TEX13D: variants seen among roughly 807,000 people sequenced by gnomAD.
TEX13D encodes TEX13 family member D.
For missense variants in TEX13D, 261 were observed against 265.8 expected (o/e 0.98, Z 0.12); for synonymous variants, 115 against 104.5 (o/e 1.10, Z -0.61).
Position 124,334,093 on chromosome X carries a change from C to T in TEX13D, c.1176C>T (p.His392=). Residue 392 remains histidine, a synonymous_variant, in exon 1 of 1, where the codon CAC becomes CAT. Transcript: ENST00000632372. ...ACACCCTGGTGTTTCGCAGGAGCCA[C>T]AAATCAGAAGGTCCAGAGGGGCCCC... ...RMHTLVFRRS[H]KSEGPEGPQG... is the part of the protein sequence containing the mutation. 1 of 937,335 alleles carries T rather than the reference C, an allele frequency of 1.1e-6. No homozygotes were observed. The highest frequency in any genetic ancestry group is 1.3e-6 in the Non-Finnish European group (1 of 755,855). The allele number at this position is 937,335 out of a possible 1,213,427, so 77.2% of individuals were successfully genotyped here. A position where few individuals can be genotyped will look rare whatever the true frequency, so the allele number is the denominator to read the frequency against.
chrX:124,334,948 T>G lies in TEX13D; in HGVS notation c.2031T>G (p.Val677=). 1.1e-6 allele frequency: 1 copy of G among 938,688 alleles called. No individual in the cohort carries two copies. Among genetic ancestry groups the G allele is most frequent in the Non-Finnish European group, 1.3e-6 (1 of 756,382 alleles). The allele number at this position is 938,688 out of a possible 1,213,427, so 77.4% of individuals were successfully genotyped here. ...AGGAGAAGCCTGCCTCATTTCCAGTTCCAGTGAATTGGAAATGCCCATGGT... is the reference window on the plus strand; with the variant it reads ...AGGAGAAGCCTGCCTCATTTCCAGTGCCAGTGAATTGGAAATGCCCATGGT... The part of the protein sequence containing the change: ...QQQEKPASFP[V]PVNWKCPWCK... The change falls in exon 1 of 1, where the codon GTT becomes GTG. Residue 677 remains valine (V), a synonymous_variant. Transcript: ENST00000632372.
Position 124,333,644 on chromosome X carries a change from C to G in TEX13D, c.727C>G (p.Leu243Val), listed in dbSNP as rs752694483. The change falls in exon 1 of 1, where the codon CTA becomes GTA. Residue 243 changes from leucine (L) to valine (V), a missense_variant. Leu to Val is a conservative substitution (Grantham distance 32, BLOSUM62 1). Coordinates refer to ENST00000632372, the MANE Select transcript of TEX13D (RefSeq NM_001355534.2). ...AATGAAATTCCCATCCTTGCCACCT[C>G]TACCACCTGCTGTAGTCACGGGGGC... ...FPMKFPSLPPLPPAVVTGAEA... is the reference protein window; with the variant it reads ...FPMKFPSLPPVPPAVVTGAEA... 5.4e-5 allele frequency: 16 copies of G among 296,187 alleles called. No individual in the cohort carries two copies. The East Asian group carries it at 6.7e-4, about 12-fold the overall frequency. The allele number at this position is 296,187 out of a possible 1,213,427, so 24.4% of individuals were successfully genotyped here.
Position 124,333,248 on chromosome X carries a change from C to A in TEX13D, c.331C>A (p.Leu111Met). Residue 111 changes from leucine to methionine, a missense_variant, in exon 1 of 1, where the codon CTG (leucine) becomes ATG (methionine). Coordinates refer to ENST00000632372, the MANE Select transcript of TEX13D (RefSeq NM_001355534.2). ...QATSWALTSQLQQLRLEHEVA... is the reference protein window; with the variant it reads ...QATSWALTSQMQQLRLEHEVA... ...GACCTCCTGGGCTCTAACGTCCCAG[C>A]TGCAGCAGCTGCGCCTGGAGCATGA... 2.2e-6 allele frequency: 1 copy of A among 453,623 alleles called. No individual in the cohort carries two copies. Among genetic ancestry groups the A allele is most frequent in the East Asian group, 3.9e-5 (1 of 25,796 alleles). 37.4% of individuals were successfully genotyped at this position (453,623 alleles called of 1,213,427 possible). A position where few individuals can be genotyped will look rare whatever the true frequency, so the allele number is the denominator to read the frequency against.
chrX:124,334,285 A>C lies in TEX13D; in HGVS notation c.1368A>C (p.Glu456Asp). Residue 456 changes from glutamate (E) to aspartate (D), a missense_variant, in exon 1 of 1, where the codon GAA (glutamate) becomes GAC (aspartate). By Grantham distance (45) the Glu-to-Asp change is conservative. Coordinates refer to ENST00000632372, the MANE Select transcript of TEX13D (RefSeq NM_001355534.2). ...GGGACAGCAGAAGTCATATCAAGGA[A>C]GAAGGCCCAGAGGGGCCCCAGAGGA... ...PLGDSRSHIK[E>D]EGPEGPQRIV... is the part of the protein sequence containing the mutation. 1.1e-6 allele frequency: 1 copy of C among 929,238 alleles called. No individual in the cohort carries two copies. The highest frequency in any genetic ancestry group is 1.3e-6 in the Non-Finnish European group (1 of 752,768). 76.6% of individuals were successfully genotyped at this position (929,238 alleles called of 1,213,427 possible). A position where few individuals can be genotyped will look rare whatever the true frequency, so the allele number is the denominator to read the frequency against.
In TEX13D at chrX:124,335,949, A is replaced by T. The variant is rs1178878892; in HGVS notation, c.*887A>T. On this transcript the variant is annotated 3_prime_UTR_variant, in exon 1 of 1. Coordinates refer to ENST00000632372, the MANE Select transcript of TEX13D (RefSeq NM_001355534.2). ...TGTGTTCAATTCTGTAGATGGTAGC[A>T]ACTTTGATGAATTTCGTTTAGTTTG... 8.9e-6 allele frequency: 1 copy of T among 112,388 alleles called. No homozygotes were observed. Among genetic ancestry groups the T allele is most frequent in the Non-Finnish European group, 1.9e-5 (1 of 53,306 alleles). The allele number at this position is 112,388 out of a possible 1,213,427, so 9.3% of individuals were successfully genotyped here.
At position 124,335,656 on chromosome X, in the gene TEX13D, A is replaced by G. The variant is rs2059972034; in HGVS notation, c.*594A>G. ...TTCTTCATTTTGCTTTGTTGGTTTT[A>G]TAGGTGAGGTTCTGTTTTTGTATCT... is the stretch of plus-strand genomic sequence containing the variant. On this transcript the variant is annotated 3_prime_UTR_variant, in exon 1 of 1. Coordinates refer to ENST00000632372, the MANE Select transcript of TEX13D (RefSeq NM_001355534.2). The G allele has an allele frequency of 8.9e-6, 1 of 112,364 alleles. No individual in the cohort carries two copies. The highest frequency in any genetic ancestry group is 1.9e-5 in the Non-Finnish European group (1 of 53,336). 9.3% of individuals were successfully genotyped at this position (112,364 alleles called of 1,213,427 possible).
In TEX13D at chrX:124,334,129, C is replaced by T. The variant is rs1310282525; in HGVS notation, c.1212C>T (p.Val404=). The T allele has an allele frequency of 4.3e-6, 4 of 934,203 alleles. No homozygotes were observed. The African/African-American group carries it at 8.3e-5, about 19-fold the overall frequency. 77.0% of individuals were successfully genotyped at this position (934,203 alleles called of 1,213,427 possible). A position where few individuals can be genotyped will look rare whatever the true frequency, so the allele number is the denominator to read the frequency against. Residue 404 remains valine, a synonymous_variant, in exon 1 of 1, where the codon GTC becomes GTT. Coordinates refer to ENST00000632372, the MANE Select transcript of TEX13D (RefSeq NM_001355534.2). ...SEGPEGPQGT[V]PQGDSRSYSQ... ...GTCCAGAGGGGCCCCAGGGGACGGT[C>T]CCCCAGGGAGACAGCAGAAGCTACA...
rs1389917357 is a variant in TEX13D, at chrX:124,335,527, T to C, written c.*465T>C. 2 of 112,849 alleles carry C rather than the reference T, an allele frequency of 1.8e-5. No individual in the cohort carries two copies. The highest frequency in any genetic ancestry group is 3.7e-5 in the Non-Finnish European group (2 of 53,468). The allele number at this position is 112,849 out of a possible 1,213,427, so 9.3% of individuals were successfully genotyped here. On this transcript the variant is annotated 3_prime_UTR_variant, in exon 1 of 1. Coordinates refer to ENST00000632372, the MANE Select transcript of TEX13D (RefSeq NM_001355534.2). ...ATATGTTGAATTTTAGGAACAGTAC[T>C]TTTCCTTGAAAATGCTGTTATTCCT...
chrX:124,333,207 C>A lies in TEX13D; in HGVS notation c.290C>A (p.Ala97Glu). The change falls in exon 1 of 1, where the codon GCG (alanine) becomes GAG (glutamate). Residue 97 changes from alanine (A) to glutamate (E), a missense_variant. By Grantham distance (107) the Ala-to-Glu change is moderately radical (BLOSUM62 -1). Coordinates refer to ENST00000632372, the MANE Select transcript of TEX13D (RefSeq NM_001355534.2). ...CACGTTCGGCGGCTGCAAAGGCATGCGGAGGAGCGCCAGGCGACCTCCTGG... is the reference window on the plus strand; with the variant it reads ...CACGTTCGGCGGCTGCAAAGGCATGAGGAGGAGCGCCAGGCGACCTCCTGG... ...LHHVRRLQRHAEERQATSWAL... is the reference protein window; with the variant it reads ...LHHVRRLQRHEEERQATSWAL... The A allele has an allele frequency of 2.1e-6, 1 of 470,066 alleles. No homozygotes were observed. Among genetic ancestry groups the A allele is most frequent in the Non-Finnish European group, 3.7e-6 (1 of 267,462 alleles). The allele number at this position is 470,066 out of a possible 1,213,427, so 38.7% of individuals were successfully genotyped here. A position where few individuals can be genotyped will look rare whatever the true frequency, so the allele number is the denominator to read the frequency against.
chrX:124,335,118 A>T lies in TEX13D; in HGVS notation c.*56A>T. ...TTCAAAGAGAAAGCAATTTCCTAAGACCCTCTTCTGATTAAAGTATAACTT... is the reference window on the plus strand; with the variant it reads ...TTCAAAGAGAAAGCAATTTCCTAAGTCCCTCTTCTGATTAAAGTATAACTT... On this transcript the variant is annotated 3_prime_UTR_variant, in exon 1 of 1. Transcript: ENST00000632372. 1 of 803,376 alleles carries T rather than the reference A, an allele frequency of 1.2e-6. No individual in the cohort carries two copies. The highest frequency in any genetic ancestry group is 1.6e-6 in the Non-Finnish European group (1 of 633,503). 66.2% of individuals were successfully genotyped at this position (803,376 alleles called of 1,213,427 possible).
rs2059965676 is a variant in TEX13D at position 124,333,280 on chromosome X, G to A, written c.363G>A (p.Ala121=). 1 of 439,517 alleles carries A rather than the reference G, an allele frequency of 2.3e-6. No individual in the cohort carries two copies. The highest frequency in any genetic ancestry group is 3.9e-6 in the Non-Finnish European group (1 of 254,278). The allele number at this position is 439,517 out of a possible 1,213,427, so 36.2% of individuals were successfully genotyped here. ...LQQLRLEHEV[A]ATQLHLAQAA... is the part of the protein sequence containing the mutation. ...AGCTGCGCCTGGAGCATGAGGTGGC[G>A]GCAACACAGCTGCACCTCGCGCAGG... The change falls in exon 1 of 1, where the codon GCG becomes GCA. Residue 121 remains alanine (A), a synonymous_variant. Transcript: ENST00000632372.
rs1182422010 is a variant in TEX13D at position 124,332,973 on chromosome X, G to T, written c.56G>T (p.Arg19Met). 1 of 430,298 alleles carries T rather than the reference G, an allele frequency of 2.3e-6. No homozygotes were observed. The highest frequency in any genetic ancestry group is 4.0e-6 in the Non-Finnish European group (1 of 247,642). The allele number at this position is 430,298 out of a possible 1,213,427, so 35.5% of individuals were successfully genotyped here. A position where few individuals can be genotyped will look rare whatever the true frequency, so the allele number is the denominator to read the frequency against. The change falls in exon 1 of 1, where the codon AGG (arginine) becomes ATG (methionine). Residue 19 changes from arginine (R) to methionine (M), a missense_variant. By Grantham distance (91) the Arg-to-Met change is moderately conservative. Transcript: ENST00000632372. ...GGCTTCCGCCACAATGATGTGATCA[G>T]GTTCATTAACAATGAAGTCCTCATG... Reference protein sequence around the residue: ...ASGFRHNDVIRFINNEVLMDG... With the variant: ...ASGFRHNDVIMFINNEVLMDG...
rs2059964373 is a variant in TEX13D, at chrX:124,332,938, C to T, written c.21C>T (p.Asp7=). The change falls in exon 1 of 1, where the codon GAC becomes GAT. Residue 7 remains aspartate (D), a synonymous_variant. Coordinates refer to ENST00000632372, the MANE Select transcript of TEX13D (RefSeq NM_001355534.2). ...CCGCCATGGCGATGAATTTTGGGGACCATGCCAGCGGCTTCCGCCACAATG... is the reference window on the plus strand; with the variant it reads ...CCGCCATGGCGATGAATTTTGGGGATCATGCCAGCGGCTTCCGCCACAATG... MAMNFG[D]HASGFRHNDV... The T allele has an allele frequency of 2.8e-6, 1 of 353,786 alleles. No individual in the cohort carries two copies. Among genetic ancestry groups the T allele is most frequent in the African/African-American group, 2.7e-5 (1 of 37,440 alleles). The allele number at this position is 353,786 out of a possible 1,213,427, so 29.2% of individuals were successfully genotyped here.
rs1253063808 is a variant in TEX13D at position 124,336,801 on chromosome X, A to G, written c.*1739A>G. ...TTCCCTGTAAGATCCCGCCCAGCTC[A>G]CCAAAATCAACCTTTGTCAGGGGTT... On this transcript the variant is annotated 3_prime_UTR_variant, in exon 1 of 1. Coordinates refer to ENST00000632372, the MANE Select transcript of TEX13D (RefSeq NM_001355534.2). 3.6e-5 allele frequency: 4 copies of G among 111,672 alleles called. No homozygotes were observed. Among genetic ancestry groups the G allele is most frequent in the African/African-American group, 1.3e-4 (4 of 30,633 alleles). 9.2% of individuals were successfully genotyped at this position (111,672 alleles called of 1,213,427 possible).
rs1256936772 is a variant in TEX13D at position 124,333,573 on chromosome X, C to G, written c.656C>G (p.Pro219Arg). The G allele has an allele frequency of 3.4e-6, 1 of 296,844 alleles. No individual in the cohort carries two copies. Among genetic ancestry groups the G allele is most frequent in the Admixed American group, 6.1e-5 (1 of 16,271 alleles). The allele number at this position is 296,844 out of a possible 1,213,427, so 24.5% of individuals were successfully genotyped here. Reference protein sequence around the residue: ...PLSPWAQGMQPPLPVPHPFPH... With the variant: ...PLSPWAQGMQRPLPVPHPFPH... ...AGTCCCTGGGCCCAGGGCATGCAAC[C>G]CCCTCTGCCAGTGCCACATCCATTC... The change falls in exon 1 of 1, where the codon CCC (proline) becomes CGC (arginine). Residue 219 changes from proline to arginine, a missense_variant. Pro to Arg is a moderately radical substitution (Grantham distance 103). Coordinates refer to ENST00000632372, the MANE Select transcript of TEX13D (RefSeq NM_001355534.2).
Position 124,334,943 on chromosome X carries a change from C to A in TEX13D, c.2026C>A (p.Pro676Thr). 1.1e-6 allele frequency: 1 copy of A among 938,733 alleles called. No individual in the cohort carries two copies. The highest frequency in any genetic ancestry group is 1.3e-6 in the Non-Finnish European group (1 of 756,397). 77.4% of individuals were successfully genotyped at this position (938,733 alleles called of 1,213,427 possible). A position where few individuals can be genotyped will look rare whatever the true frequency, so the allele number is the denominator to read the frequency against. ...SQQQEKPASF[P>T]VPVNWKCPWC... The stretch of plus-strand genomic sequence containing the variant: ...GCAGCAGGAGAAGCCTGCCTCATTT[C>A]CAGTTCCAGTGAATTGGAAATGCCC... Residue 676 changes from proline to threonine, a missense_variant, in exon 1 of 1, where the codon CCA becomes ACA. Transcript: ENST00000632372.
In TEX13D at chrX:124,334,724, A is replaced by G; in HGVS notation, c.1807A>G (p.Ser603Gly). ...CAACAGAAGCTATAGCCAGGAAGGA[A>G]GCCGAGAGAGGGCCCAGGGGATGGC... Reference protein sequence around the residue: ...GDNRSYSQEGSRERAQGMATL... With the variant: ...GDNRSYSQEGGRERAQGMATL... Residue 603 changes from serine to glycine, a missense_variant, in exon 1 of 1, where the codon AGC becomes GGC. Ser to Gly is a moderately conservative substitution (Grantham distance 56). Coordinates refer to ENST00000632372, the MANE Select transcript of TEX13D (RefSeq NM_001355534.2). 2.1e-6 allele frequency: 2 copies of G among 932,762 alleles called. No homozygotes were observed. The highest frequency in any genetic ancestry group is 5.9e-5 in the South Asian group (1 of 16,840). 76.9% of individuals were successfully genotyped at this position (932,762 alleles called of 1,213,427 possible).
rs944570453 is a variant in TEX13D, at chrX:124,335,853, A to T, written c.*791A>T. The T allele has an allele frequency of 8.0e-5, 9 of 112,419 alleles. No individual in the cohort carries two copies. Among genetic ancestry groups the T allele is most frequent in the African/African-American group, 2.9e-4 (9 of 30,898 alleles). 9.3% of individuals were successfully genotyped at this position (112,419 alleles called of 1,213,427 possible). ...TGACACTCATTGGGGGAAAAGGAAGAGCAGAATTGTTTTGTTAGAATTGAA... is the reference window on the plus strand; with the variant it reads ...TGACACTCATTGGGGGAAAAGGAAGTGCAGAATTGTTTTGTTAGAATTGAA... On this transcript the variant is annotated 3_prime_UTR_variant, in exon 1 of 1. Transcript: ENST00000632372.
chrX:124,333,301 G>C lies in TEX13D; in HGVS notation c.384G>C (p.Ala128=). 4.7e-6 allele frequency: 2 copies of C among 421,196 alleles called. No individual in the cohort carries two copies. The highest frequency in any genetic ancestry group is 8.2e-6 in the Non-Finnish European group (2 of 244,510). 34.7% of individuals were successfully genotyped at this position (421,196 alleles called of 1,213,427 possible). The change falls in exon 1 of 1, where the codon GCG becomes GCC. Residue 128 remains alanine, a synonymous_variant. Coordinates refer to ENST00000632372, the MANE Select transcript of TEX13D (RefSeq NM_001355534.2). ...HEVAATQLHL[A]QAALQQALNE... ...TGGCGGCAACACAGCTGCACCTCGC[G>C]CAGGCTGCCCTGCAGCAGGCGCTGA...
Sources: gnomAD v4.1 joint callset for allele counts on GRCh38, gnomAD v4.1.1 for gene constraint, MANE v1.5 for transcripts, NCBI Gene and HGNC (gene_info 2026-07-23, HGNC 2026-07-21) for gene names.